EIF2A: variants seen among roughly 807,000 people sequenced by gnomAD.
The protein encoded by EIF2A is 65 kDa eukaryotic translation initiation factor 2A.
Under a neutral mutation model 75.2 loss-of-function variants are expected in EIF2A, and 62 were observed. That is an observed-to-expected ratio of 0.82 (90% confidence interval 0.67 to 1.02). The LOEUF (loss-of-function observed/expected upper bound fraction) is 1.02, where lower values mean the gene tolerates loss of function less well. Among genes scored for constraint, EIF2A ranks in the 50% least tolerant of loss-of-function variants. EIF2A has a pLI of 0.00. For synonymous variants in EIF2A, 207 were observed against 239.0 expected (o/e 0.87, Z 1.23); for missense variants, 611 against 677.7 (o/e 0.90, Z 1.09).
At position 150,562,567 on chromosome 3, in the gene EIF2A, A is replaced by G; in HGVS notation, c.199A>G (p.Lys67Glu). Residue 67 changes from lysine (K) to glutamate (E), a missense_variant, in exon 4 of 14, where the codon AAG becomes GAG. Coordinates refer to ENST00000460851, the MANE Select transcript of EIF2A (RefSeq NM_032025.5). ...AGTAAATATTATCAGTGTCACTAAC[A>G]AGGGACTACTGCACTCCTTCGACCT... is the stretch of plus-strand genomic sequence containing the variant. The part of the protein sequence containing the change: ...EKVNIISVTN[K>E]GLLHSFDLLK... 1 of 1,613,312 alleles carries G rather than the reference A, an allele frequency of 6.2e-7. No individual in the cohort carries two copies. Among genetic ancestry groups the G allele is most frequent in the Non-Finnish European group, 8.5e-7 (1 of 1,179,530 alleles).
At chr3:150,577,506 A>G (rs892820303) in intron 11 of EIF2A, among the ~76,000 whole-genome samples, 1 of 151,676 alleles carries the variant, frequency 6.6e-6, no homozygotes, top group Non-Finnish European at 1.5e-5. Context: ...ATTCCCAACT[A>G]ATTTTTTTAT....
intron 11 of EIF2A, among the ~76,000 whole-genome samples, chr3:150,577,934 G>A (rs998536819): frequency 1.3e-5 from 2 of 152,132 alleles, no homozygotes; most frequent in African/African-American, 4.8e-5. Context: ...ATCCCCAGAA[G>A]TATCTTAATT....
intron 3 of EIF2A, among the ~76,000 whole-genome samples, chr3:150,562,277 C>T (rs1461250399): frequency 6.6e-6 from 1 of 151,828 alleles, no homozygotes; most frequent in Non-Finnish European, 1.5e-5. Context: ...AAAAAATTAG[C>T]CGGGCGTGGT....
At chr3:150,553,638 T>G (rs1342047053) in intron 2 of EIF2A, among the ~76,000 whole-genome samples, 4 of 152,094 alleles carry the variant, frequency 2.6e-5, no homozygotes, top group Non-Finnish European at 5.9e-5. Flanking sequence ...CTCAAACTCC[T>G]GACCTCAGGT....
intron 6 of EIF2A, chr3:150,565,350 T>G (rs1724114298): frequency 3.0e-6 from 1 of 338,844 alleles, no homozygotes; most frequent in African/African-American, 2.2e-5. Flanking sequence ...CTGGATGCAT[T>G]ATTTCATCAG....
At position 150,572,516 on chromosome 3, in the gene EIF2A, C is replaced by G. The variant is rs778038781; in HGVS notation, c.1370C>G (p.Thr457Ser). ...RPPALRNKPITNSKLHEEEPP... is the reference protein window; with the variant it reads ...RPPALRNKPISNSKLHEEEPP... Reference sequence around the variant, plus strand: ...CCAGCTTTAAGAAATAAACCAATCACCAATTCCAAATTGGTAAGTAAAGTT... The same window carrying G: ...CCAGCTTTAAGAAATAAACCAATCAGCAATTCCAAATTGGTAAGTAAAGTT... The change falls in exon 10 of 14, where the codon ACC (threonine) becomes AGC (serine). Residue 457 changes from threonine to serine, a missense_variant. By Grantham distance (58) the Thr-to-Ser change is moderately conservative. Coordinates refer to ENST00000460851, the MANE Select transcript of EIF2A (RefSeq NM_032025.5). 13 of 1,601,490 alleles carry G rather than the reference C, an allele frequency of 8.1e-6. No homozygotes were observed. Among genetic ancestry groups the G allele is most frequent in the Non-Finnish European group, 1.1e-5 (13 of 1,174,966 alleles).
intron 11 of EIF2A, 131 bp from the exon 12 acceptor site, chr3:150,581,487 A>T: frequency 8.6e-7 from 1 of 1,166,112 alleles, no homozygotes; most frequent in Non-Finnish European, 1.2e-6. Context: ...CCTTTAATTC[A>T]GATTCTTTAT....
chr3:150,553,839 C>T (rs9862757), intron 2 of EIF2A, among the ~76,000 whole-genome samples: 51,628 of 152,030 alleles, frequency 0.34, 9,117 homozygotes, highest in East Asian at 0.49. Context: ...ATAGACTTGC[C>T]TATATCAGTA....
chr3:150,546,817 G>T lies in EIF2A; in HGVS notation c.15G>T (p.Thr5=), dbSNP rs774229838. 6.2e-7 allele frequency: 1 copy of T among 1,612,400 alleles called. No individual in the cohort carries two copies. The highest frequency in any genetic ancestry group is 1.1e-5 in the South Asian group (1 of 91,030). The change falls in exon 1 of 14, where the codon ACG becomes ACT. Residue 5 remains threonine (T), a synonymous_variant. Coordinates refer to ENST00000460851, the MANE Select transcript of EIF2A (RefSeq NM_032025.5). MAPS[T]PLLTVRGSEG... is the part of the protein sequence containing the mutation. ...TCCGGGACAACATGGCGCCGTCCAC[G>T]CCGCTCTTGACAGGTGAGTTCTGAA...
At chr3:150,564,205 G>A (rs1724039665) in intron 5 of EIF2A, 94 bp from the exon 6 acceptor site, 3 of 929,608 alleles carry the variant, frequency 3.2e-6, no homozygotes, top group Non-Finnish European at 4.7e-6. Context: ...TTCCTTAAAT[G>A]GTAACCAATA....
chr3:150,581,722 C>CA lies in EIF2A; in HGVS notation c.1609dup (p.Ile537AsnfsTer83). 1.9e-6 allele frequency: 3 copies of CA among 1,557,052 alleles called. No individual in the cohort carries two copies. The highest frequency in any genetic ancestry group is 2.6e-6 in the Non-Finnish European group (3 of 1,149,916). ...CAATTTCTGGGGACCCTGAGATAGA[C>CA]AAAAAAATCAAGAACCTAAAGAAGG... On this transcript the variant is annotated frameshift_variant, in exon 12 of 14. Coordinates refer to ENST00000460851, the MANE Select transcript of EIF2A (RefSeq NM_032025.5). LOFTEE classifies it high-confidence loss of function.
In EIF2A at chr3:150,581,740, AAAG is replaced by A; in HGVS notation, c.1624_1626del (p.Lys543del). 8 of 1,558,366 alleles carry A rather than the reference AAAG, an allele frequency of 5.1e-6. No homozygotes were observed. The highest frequency in any genetic ancestry group is 7.0e-6 in the Non-Finnish European group (8 of 1,150,450). ...AGATAGACAAAAAAATCAAGAACCT[AAAG>A]AAGGTGAGAGACTTAAAAACAGATG... On this transcript the variant is annotated inframe_deletion, in exon 12 of 14. Transcript: ENST00000460851.
At chr3:150,572,560 A>T (rs760840095) in intron 10 of EIF2A, 31 bp downstream of exon 10, 166 of 1,565,498 alleles carry the variant, frequency 1.1e-4, no homozygotes, top group Admixed American at 2.8e-4. Context: ...TTTATAGAAA[A>T]AAGTTTATTT....
At chr3:150,549,619 A>G (rs1358761911) in intron 1 of EIF2A, among the ~76,000 whole-genome samples, 1 of 152,188 alleles carries the variant, frequency 6.6e-6, no homozygotes, top group Non-Finnish European at 1.5e-5. Flanking sequence ...AGGAAAGAAC[A>G]CATTTTTGCC....
At chr3:150,568,574 C>A (rs1689245443) in intron 9 of EIF2A, among the ~76,000 whole-genome samples, 1 of 152,098 alleles carries the variant, frequency 6.6e-6, no homozygotes, top group Non-Finnish European at 1.5e-5. Context: ...ACTTACTTAG[C>A]TAATTATGAC....
intron 6 of EIF2A, chr3:150,564,583 T>C: frequency 2.6e-6 from 1 of 389,816 alleles, no homozygotes; most frequent in East Asian, 4.1e-5. Flanking sequence ...CAATAACTTT[T>C]TATTATCTGG....
At chr3:150,573,238 A>T (rs998445438) in intron 10 of EIF2A, among the ~76,000 whole-genome samples, 9 of 152,044 alleles carry the variant, frequency 5.9e-5, no homozygotes, top group African/African-American at 2.2e-4. Context: ...ATGGTGATGA[A>T]ATTAGGTAAG....
In EIF2A at chr3:150,569,653, A is replaced by G. The variant is rs570390957; in HGVS notation, c.811+1361A>G. ...AACATGGTGAAACCCCATCTTTACT[A>G]AAAATACAAAAATTAGTTGGGTGTG... is the stretch of plus-strand genomic sequence containing the variant. On this transcript the variant is annotated intron_variant, in intron 9 of 13. Coordinates refer to ENST00000460851, the MANE Select transcript of EIF2A (RefSeq NM_032025.5). 2.8e-3 allele frequency among the ~76,000 whole-genome samples: 427 copies of G among 152,202 alleles called. 3 individuals are homozygous for G. Among genetic ancestry groups the G allele is most frequent in the Middle Eastern group, 0.014 (4 of 294 alleles).
intron 6 of EIF2A, chr3:150,567,401 A>T (rs964750009): frequency 2.3e-5 from 6 of 262,714 alleles, no homozygotes; most frequent in Admixed American, 1.0e-4. Context: ...TCAAATACCT[A>T]CCATGTGCCT....
Sources: allele counts gnomAD v4.1 joint callset (sites outside exome capture counted in the v4.1 genomes callset), GRCh38; gene constraint gnomAD v4.1.1; transcripts MANE v1.5; gene names NCBI Gene and HGNC (gene_info 2026-07-23, HGNC 2026-07-21).